ARHGAP30: variants seen among roughly 807,000 people sequenced by gnomAD.
The protein encoded by ARHGAP30 is Rho GTPase activating protein 30.
ARHGAP30 carries 23 observed loss-of-function variants against 72.0 expected under a neutral mutation model. The ratio of observed to expected loss-of-function variants is 0.32; its 90% CI spans 0.23 to 0.45. ARHGAP30 has a LOEUF of 0.45. Among genes scored for constraint, ARHGAP30 ranks in the 20% least tolerant of loss-of-function variants. The probability of loss-of-function intolerance (pLI) is 1.00; values close to 1 mark genes in which losing one functional copy is unlikely to be tolerated. For missense variants in ARHGAP30, 1,319 were observed against 1,383.4 expected, an observed-to-expected ratio of 0.95 and a Z score of 0.74; for synonymous variants, 576 against 528.2, an observed-to-expected ratio of 1.09 and a Z score of -1.24.
chr1:161,053,110 G>A (rs1303396183), intron 6 of ARHGAP30, 148 bp downstream of exon 6: 11 of 1,215,318 alleles, frequency 9.1e-6, no homozygotes, highest in Admixed American at 7.4e-5. Context: ...AGTCCTGACT[G>A]CACAATTATC....
chr1:161,052,166 A>G (rs1651452867), intron 9 of ARHGAP30, 120 bp downstream of exon 9: 3 of 1,056,612 alleles, frequency 2.8e-6, no homozygotes, highest in Non-Finnish European at 4.3e-6. Context: ...GCTGGTATAT[A>G]ATAGGCACTC....
At chr1:161,065,536 T>C (rs1279666869) in intron 1 of ARHGAP30, among the ~76,000 whole-genome samples, 1 of 152,064 alleles carries the variant, frequency 6.6e-6, no homozygotes, top group East Asian at 1.9e-4. Context: ...TCTTTCCTTT[T>C]TCTTTTTTCT....
At position 161,063,315 on chromosome 1, in the gene ARHGAP30, G is replaced by A. The variant is rs1029244831; in HGVS notation, c.98-3599C>T. Among the ~76,000 whole-genome samples the A allele has an allele frequency of 5.3e-4, 81 of 152,326 alleles. 1 individual carries two copies. The highest frequency in any genetic ancestry group is 1.8e-3 in the African/African-American group (75 of 41,570). On this transcript the variant is annotated intron_variant, in intron 1 of 11. Coordinates refer to ENST00000368013, the MANE Select transcript of ARHGAP30 (RefSeq NM_001025598.2). The stretch of plus-strand genomic sequence containing the variant: ...CCGGCTGAAGCCATGGCAGAAGAAC[G>A]TGGATTGTGAAGATTTTATGGACAT...
At position 161,067,976 on chromosome 1, in the gene ARHGAP30, T is replaced by C. The variant is rs1295406104; in HGVS notation, c.97+1552A>G. ...CTGGTCTCCTGCTCTCGGATTCACC[T>C]AGGATCAGGATTCAGCAATCAGATC... On this transcript the variant is annotated intron_variant, in intron 1 of 11. Coordinates refer to ENST00000368013, the MANE Select transcript of ARHGAP30 (RefSeq NM_001025598.2). Among the ~76,000 whole-genome samples, 4 of 140,090 alleles carry C rather than the reference T, an allele frequency of 2.9e-5. No homozygotes were observed. The South Asian group carries it at 7.2e-4, about 25-fold the overall frequency. The allele number at this position is 140,090 out of a possible 152,430, so 91.9% of individuals were successfully genotyped here.
At chr1:161,049,760 G>A in intron 10 of ARHGAP30, 71 bp from the exon 11 acceptor site, 2 of 1,544,356 alleles carry the variant, frequency 1.3e-6, no homozygotes, top group Non-Finnish European at 1.8e-6. Flanking sequence ...AGTCCTCCTA[G>A]CATTGATATA....
chr1:161,061,447 C>CCAGATAATTTTTGTATTTTTAG (rs1170798581), intron 1 of ARHGAP30, among the ~76,000 whole-genome samples: 2 of 150,450 alleles, frequency 1.3e-5, no homozygotes, highest in African/African-American at 4.9e-5. Flanking sequence ...GCCACCGCGC[C>CCAGATAATTTTTGTATTTTTAG]TGACCTGCTT....
intron 1 of ARHGAP30, among the ~76,000 whole-genome samples, chr1:161,064,823 GAAA>G (rs1557935264): frequency 5.8e-4 from 37 of 63,914 alleles, no homozygotes; most frequent in African/African-American, 1.7e-3. Context: ...AAGAAAGAAA[GAAA>G]GAAAGAGAAA....
At chr1:161,051,072 C>G (rs1317381807) in intron 10 of ARHGAP30, among the ~76,000 whole-genome samples, 1 of 152,250 alleles carries the variant, frequency 6.6e-6, no homozygotes, top group Non-Finnish European at 1.5e-5. Flanking sequence ...ACACAGGCCC[C>G]TATTCTTGGG....
chr1:161,053,098 C>T, intron 6 of ARHGAP30, 160 bp downstream of exon 6: 1 of 1,125,426 alleles, frequency 8.9e-7, no homozygotes, highest in Non-Finnish European at 1.2e-6. Context: ...GAAGTCTTCT[C>T]AAGTCCTGAC....
intron 2 of ARHGAP30, among the ~76,000 whole-genome samples, chr1:161,059,333 T>G (rs1401681997): frequency 9.9e-6 from 1 of 101,202 alleles, no homozygotes; most frequent in Non-Finnish European, 1.9e-5. Flanking sequence ...CTGGCTCAAG[T>G]TTTTTTTTTT....
chr1:161,053,167 G>T, intron 6 of ARHGAP30, 91 bp downstream of exon 6: 1 of 1,553,604 alleles, frequency 6.4e-7, no homozygotes, highest in Non-Finnish European at 8.8e-7. Flanking sequence ...CCCTGTATGA[G>T]ACTCAGCTGA....
chr1:161,062,534 G>T (rs1652386268), intron 1 of ARHGAP30, among the ~76,000 whole-genome samples: 1 of 151,988 alleles, frequency 6.6e-6, no homozygotes, highest in African/African-American at 2.4e-5. Context: ...TTTGAGACCA[G>T]CCTGGCCAAC....
chr1:161,047,904 G>A lies in ARHGAP30; in HGVS notation c.3117C>T (p.Ile1039=). 6.2e-7 allele frequency: 1 copy of A among 1,612,932 alleles called. No homozygotes were observed. The highest frequency in any genetic ancestry group is 1.1e-5 in the South Asian group (1 of 90,946). ...TAAGGGGCCGAGGAGAATGGGCAGA[G>A]ATCATGCTACAAGGGGAGGTTCTGG... ...LIPRTSPCSM[I]SAHSPRPLSC... Residue 1039 remains isoleucine (I), a synonymous_variant, in exon 12 of 12, where the codon ATC becomes ATT. Coordinates refer to ENST00000368013, the MANE Select transcript of ARHGAP30 (RefSeq NM_001025598.2).
intron 1 of ARHGAP30, among the ~76,000 whole-genome samples, chr1:161,062,960 A>G (rs1416682108): frequency 6.6e-6 from 1 of 151,880 alleles, no homozygotes; most frequent in Non-Finnish European, 1.5e-5. Context: ...GATTACAGGC[A>G]TGTGCCACCG....
chr1:161,051,744 C>CT (rs766336721), intron 9 of ARHGAP30, 29 bp from the exon 10 acceptor site: 149 of 1,563,088 alleles, frequency 9.5e-5, no homozygotes, highest in Non-Finnish European at 2.3e-5. Flanking sequence ...GCCAGGTAGG[C>CT]AATAGCCTAA....
At chr1:161,058,066 G>A (rs770699771) in intron 2 of ARHGAP30, among the ~76,000 whole-genome samples, 1 of 151,688 alleles carries the variant, frequency 6.6e-6, no homozygotes, top group Admixed American at 6.6e-5. Flanking sequence ...CAGGAGAATC[G>A]CTTGAACCCG....
chr1:161,064,062 A>G (rs751350889), intron 1 of ARHGAP30, among the ~76,000 whole-genome samples: 14 of 152,114 alleles, frequency 9.2e-5, no homozygotes, highest in Non-Finnish European at 2.1e-4. Flanking sequence ...TTGCCTTGTG[A>G]TATTCTGTTA....
At chr1:161,068,252 C>T (rs1381868580) in intron 1 of ARHGAP30, among the ~76,000 whole-genome samples, 1 of 152,164 alleles carries the variant, frequency 6.6e-6, no homozygotes, top group East Asian at 1.9e-4. Context: ...AGAGGAGTCC[C>T]TTAGAAAGGA....
intron 3 of ARHGAP30, 100 bp from the exon 4 acceptor site, chr1:161,054,805 G>A: frequency 9.8e-7 from 1 of 1,021,922 alleles, no homozygotes; most frequent in Admixed American, 1.8e-5. Flanking sequence ...AATGTGCACT[G>A]GACTCTGTGC....
Sources: gnomAD v4.1 joint callset for allele counts (sites outside exome capture counted in the v4.1 genomes callset) on GRCh38, gnomAD v4.1.1 for gene constraint, MANE v1.5 for transcripts, NCBI Gene and HGNC (gene_info 2026-07-23, HGNC 2026-07-21) for gene names.